CCDC102B: variants seen among roughly 807,000 people sequenced by gnomAD.
The protein encoded by CCDC102B is coiled-coil domain containing 102B.
In CCDC102B, 75 loss-of-function variants were observed where a neutral mutation model predicts 57.4. The observed-to-expected ratio is 1.31, with a 90% CI of 1.08 to 1.58. The LOEUF (loss-of-function observed/expected upper bound fraction) is 1.58. Ranked by LOEUF, CCDC102B falls within the 40% of genes most tolerant of loss-of-function variation. CCDC102B has a pLI of 0.00. For missense variants in CCDC102B, 636 were observed against 582.6 expected, an observed-to-expected ratio of 1.09 and a Z score of -0.94; for synonymous variants, 206 against 201.9, an observed-to-expected ratio of 1.02 and a Z score of -0.17.
intron 6 of CCDC102B, among the ~76,000 whole-genome samples, chr18:68,965,151 T>C (rs1376760410): frequency 6.6e-6 from 1 of 152,032 alleles, no homozygotes; most frequent in Non-Finnish European, 1.5e-5. Flanking sequence ...TTTTCACCTA[T>C]GTCTTCTATT....
intron 4 of CCDC102B, among the ~76,000 whole-genome samples, chr18:68,854,228 G>A (rs750280489): frequency 6.6e-6 from 1 of 151,712 alleles, no homozygotes; most frequent in Non-Finnish European, 1.5e-5. Context: ...AGCCTCCCGA[G>A]TAGCTGGGAT....
intron 6 of CCDC102B, among the ~76,000 whole-genome samples, chr18:68,900,673 A>G (rs937407711): frequency 6.6e-6 from 1 of 152,138 alleles, no homozygotes; most frequent in African/African-American, 2.4e-5. Context: ...TTTATAACAA[A>G]TATTAGTAAA....
upstream of CCDC102B, chr18:68,797,954 T>A (rs2035690371): frequency 6.6e-6 from 1 of 152,074 alleles, no homozygotes; most frequent in Non-Finnish European, 1.5e-5. Flanking sequence ...GGTTTTATTT[T>A]GGTTGGCTCA....
Position 68,860,488 on chromosome 18 carries a change from A to G in CCDC102B, c.936+14067A>G, listed in dbSNP as rs549919220. Among the ~76,000 whole-genome samples, 1,134 of 131,594 alleles carry G rather than the reference A, an allele frequency of 8.6e-3. 90 individuals are homozygous for G. The highest frequency in any genetic ancestry group is 0.047 in the East Asian group (173 of 3,714). The allele number at this position is 131,594 out of a possible 152,430, so 86.3% of individuals were successfully genotyped here. On this transcript the variant is annotated intron_variant, in intron 4 of 7. Coordinates refer to ENST00000360242, the MANE Select transcript of CCDC102B (RefSeq NM_024781.3). ...CAAAAACAAAAACAAAAAAAAAAAAAGACACTACAGGATGACCTGGCCTTC... is the reference window on the plus strand; with the variant it reads ...CAAAAACAAAAACAAAAAAAAAAAAGGACACTACAGGATGACCTGGCCTTC...
At chr18:68,981,979 T>A (rs1024906321) in intron 6 of CCDC102B, among the ~76,000 whole-genome samples, 3 of 151,630 alleles carry the variant, frequency 2.0e-5, no homozygotes, top group Admixed American at 6.6e-5. Context: ...ATTAAAAAAA[T>A]AAATAAATAA....
intron 6 of CCDC102B, among the ~76,000 whole-genome samples, chr18:68,959,869 A>C (rs2050001513): frequency 6.6e-6 from 1 of 151,906 alleles, no homozygotes; most frequent in Admixed American, 6.6e-5. Flanking sequence ...GCCCATCCTG[A>C]GTCTCTCTCT....
chr18:68,898,872 A>C (rs1024085866), intron 6 of CCDC102B, among the ~76,000 whole-genome samples: 1 of 152,132 alleles, frequency 6.6e-6, no homozygotes, highest in Non-Finnish European at 1.5e-5. Flanking sequence ...TAGTTGTATC[A>C]AAATGTATTA....
intron 6 of CCDC102B, among the ~76,000 whole-genome samples, chr18:68,959,458 C>A (rs1034567320): frequency 3.9e-5 from 6 of 152,110 alleles, no homozygotes; most frequent in African/African-American, 1.4e-4. Context: ...GACCTGAAGC[C>A]AGCACTGCAC....
intron 5 of CCDC102B, among the ~76,000 whole-genome samples, chr18:68,881,683 G>C (rs1043190152): frequency 3.3e-5 from 5 of 152,034 alleles, no homozygotes; most frequent in Non-Finnish European, 7.4e-5. Flanking sequence ...CTTTGGATTT[G>C]GACTGAAACA....
At chr18:68,765,045 TTAAATAAATAAA>T (rs60550530) in intron 2 of CCDC102B, among the ~76,000 whole-genome samples, 13 of 127,098 alleles carry the variant, frequency 1.0e-4, no homozygotes, top group African/African-American at 4.1e-4. Flanking sequence ...AAACCCTCTC[TTAAATAAATAAA>T]TAAATAAATA....
chr18:68,768,617 A>G (rs2060374659), intron 2 of CCDC102B, among the ~76,000 whole-genome samples: 1 of 152,188 alleles, frequency 6.6e-6, no homozygotes, highest in Admixed American at 6.5e-5. Flanking sequence ...ACAGAAGTTC[A>G]ATATAGTGAG....
intron 6 of CCDC102B, among the ~76,000 whole-genome samples, chr18:69,006,684 C>T (rs2051358542): frequency 1.3e-5 from 2 of 150,908 alleles, no homozygotes; most frequent in Non-Finnish European, 2.9e-5. Flanking sequence ...CTCAGGTGAT[C>T]CACCCGCCTC....
At chr18:68,888,821 A>C (rs1262139771) in intron 5 of CCDC102B, among the ~76,000 whole-genome samples, 1 of 152,184 alleles carries the variant, frequency 6.6e-6, no homozygotes, top group Non-Finnish European at 1.5e-5. Context: ...TCTCCAATAT[A>C]ATACTCACTT....
intron 6 of CCDC102B, among the ~76,000 whole-genome samples, chr18:68,997,582 G>A (rs1660639571): frequency 1.3e-5 from 2 of 152,210 alleles, no homozygotes; most frequent in Non-Finnish European, 1.5e-5. Context: ...CCGGATTTCA[G>A]TGTATGTCTG....
chr18:69,035,792 C>T (rs1218944417), intron 7 of CCDC102B, among the ~76,000 whole-genome samples: 2 of 152,038 alleles, frequency 1.3e-5, no homozygotes, highest in African/African-American at 4.8e-5. Flanking sequence ...TGATTCAAAA[C>T]TGGCAAATTG....
intron 4 of CCDC102B, among the ~76,000 whole-genome samples, chr18:68,848,558 A>C (rs1037510855): frequency 7.9e-5 from 12 of 152,178 alleles, no homozygotes; most frequent in African/African-American, 2.9e-4. Flanking sequence ...AGAAGAGAAA[A>C]GATAAGAATT....
In CCDC102B at chr18:68,906,558, A is replaced by C. The variant is rs191738417; in HGVS notation, c.1263+9130A>C. On this transcript the variant is annotated intron_variant, in intron 6 of 7. Transcript: ENST00000360242. The stretch of plus-strand genomic sequence containing the variant: ...CTCATCCCAGTGGGTTTGGTTTCTC[A>C]TTGTGATTTTCCTTTGCATTTTCCC... Among the ~76,000 whole-genome samples, 146 of 151,992 alleles carry C rather than the reference A, an allele frequency of 9.6e-4. 1 individual carries two copies. Among genetic ancestry groups the C allele is most frequent in the African/African-American group, 3.5e-3 (143 of 41,446 alleles).
At position 68,908,134 on chromosome 18, in the gene CCDC102B, A is replaced by G. The variant is rs1033589892; in HGVS notation, c.1263+10706A>G. 6 of 152,126 alleles carry G rather than the reference A, an allele frequency of 3.9e-5. No homozygotes were observed. In the East Asian group the frequency reaches 5.8e-4, roughly 15 times the overall value. The allele number at this position is 152,126 out of a possible 1,614,324, so 9.4% of individuals were successfully genotyped here. Reference sequence around the variant, plus strand: ...ACTCTTTCATTCTAGAATAAACCCCATTTGGTCACAGTGTAAATTTTTCTT... The same window carrying G: ...ACTCTTTCATTCTAGAATAAACCCCGTTTGGTCACAGTGTAAATTTTTCTT... On this transcript the variant is annotated intron_variant, in intron 6 of 7. Transcript: ENST00000360242.
At chr18:68,917,456 T>C (rs2041115491) in intron 6 of CCDC102B, among the ~76,000 whole-genome samples, 2 of 152,198 alleles carry the variant, frequency 1.3e-5, no homozygotes, top group Admixed American at 1.3e-4. Context: ...CTGCTAACTC[T>C]TCCTCCGTTA....
Sources: allele counts gnomAD v4.1 joint callset (sites outside exome capture counted in the v4.1 genomes callset), GRCh38; gene constraint gnomAD v4.1.1; transcripts MANE v1.5; gene names NCBI Gene and HGNC (gene_info 2026-07-23, HGNC 2026-07-21).